Variants in PLPP3 observed in about 807,000 individuals in gnomAD.
PLPP3 encodes phospholipid phosphatase 3.
Under a neutral mutation model 29.6 loss-of-function variants are expected in PLPP3, and 6 were observed. The ratio of observed to expected loss-of-function variants is 0.20; its 90% CI spans 0.11 to 0.40. The LOEUF (loss-of-function observed/expected upper bound fraction) is 0.40, where lower values mean the gene tolerates loss of function less well. Among genes scored for constraint, PLPP3 ranks in the 10% least tolerant of loss-of-function variants. PLPP3 has a pLI of 1.00. For synonymous variants in PLPP3, 152 were observed against 159.7 expected (o/e 0.95, Z 0.36); for missense variants, 308 against 407.7 (o/e 0.76, Z 2.11).
chr1:56,507,604 C>CA (rs1364773954), intron 5 of PLPP3, among the ~76,000 whole-genome samples: 2 of 152,184 alleles, frequency 1.3e-5, no homozygotes, highest in African/African-American at 4.8e-5. Flanking sequence ...GGAAGTGAGA[C>CA]AATACTGTCT....
chr1:56,556,433 A>G (rs1019364771), intron 1 of PLPP3, among the ~76,000 whole-genome samples: 16 of 152,372 alleles, frequency 1.1e-4, no homozygotes, highest in African/African-American at 3.8e-4. Context: ...GATCATATGT[A>G]TATATACCTA....
At chr1:56,557,815 C>T (rs1646095267) in intron 1 of PLPP3, among the ~76,000 whole-genome samples, 1 of 152,158 alleles carries the variant, frequency 6.6e-6, no homozygotes, top group African/African-American at 2.4e-5. Context: ...ATGGAGAAAC[C>T]TTATACTTCC....
chr1:56,562,569 C>G (rs1646138111), intron 1 of PLPP3, among the ~76,000 whole-genome samples: 1 of 152,164 alleles, frequency 6.6e-6, no homozygotes, highest in African/African-American at 2.4e-5. Flanking sequence ...TTTTCTATAC[C>G]TGTGGGATAC....
At chr1:56,513,257 C>G (rs553374790) in intron 4 of PLPP3, 1 of 152,582 alleles carries the variant, frequency 6.6e-6, no homozygotes, top group Non-Finnish European at 1.5e-5. Context: ...TGGGCATTGT[C>G]CCCTCAGAGT....
intron 2 of PLPP3, among the ~76,000 whole-genome samples, chr1:56,536,431 C>T (rs912401172): frequency 1.3e-5 from 2 of 152,108 alleles, no homozygotes; most frequent in African/African-American, 4.8e-5. Flanking sequence ...CTTCCCCCTC[C>T]CCAAATTCAA....
chr1:56,524,702 T>C lies in PLPP3; in HGVS notation c.298-148A>G, dbSNP rs1014596270. ...TATTTATGAAATATACAGACACAAA[T>C]ATGCACAGAAGAAAAGATCAAAGCG... is the stretch of plus-strand genomic sequence containing the variant. On this transcript the variant is annotated intron_variant, in intron 2 of 5. Transcript: ENST00000371250. This position sits in a 1 kb window ranked among gnomAD's most constrained non-coding sequence, Gnocchi z 4.3. 9.9e-7 allele frequency: 1 copy of C among 1,012,882 alleles called. No homozygotes were observed. 62.7% of individuals were successfully genotyped at this position (1,012,882 alleles called of 1,614,324 possible). A position where few individuals can be genotyped will look rare whatever the true frequency, so the allele number is the denominator to read the frequency against.
intron 1 of PLPP3, among the ~76,000 whole-genome samples, chr1:56,568,303 AATGAATTGCATAGTATGTGAAT>A (rs1646174992): frequency 6.6e-6 from 1 of 152,272 alleles, no homozygotes; most frequent in South Asian, 2.1e-4. Flanking sequence ...GCTTTAAAGA[AATGAATTGCATAGTATGTGAAT>A]ATCTCAATAA....
At chr1:56,541,403 CAGTT>C (rs1645968035) in intron 1 of PLPP3, among the ~76,000 whole-genome samples, 2 of 152,280 alleles carry the variant, frequency 1.3e-5, no homozygotes, top group Non-Finnish European at 2.9e-5. Flanking sequence ...ATTTACTAAA[CAGTT>C]AGTAAGTTAG....
chr1:56,503,952 A>AT (rs796909128), intron 5 of PLPP3, among the ~76,000 whole-genome samples: 2 of 151,902 alleles, frequency 1.3e-5, no homozygotes, highest in South Asian at 2.1e-4. Flanking sequence ...CAATTTTTGT[A>AT]TTTTTTTAGT....
At chr1:56,521,669 C>T (rs548363733) in intron 4 of PLPP3, among the ~76,000 whole-genome samples, 2 of 151,766 alleles carry the variant, frequency 1.3e-5, no homozygotes, top group South Asian at 2.1e-4. Flanking sequence ...TCTTAAGTGC[C>T]GAGATTACAG....
intron 1 of PLPP3, among the ~76,000 whole-genome samples, chr1:56,565,090 T>C (rs184355952): frequency 9.6e-4 from 146 of 152,294 alleles, no homozygotes; most frequent in African/African-American, 3.3e-3. Flanking sequence ...TGAGGCCAAA[T>C]TGACCCAAAC....
chr1:56,566,439 A>G (rs1646162586), intron 1 of PLPP3, among the ~76,000 whole-genome samples: 1 of 152,194 alleles, frequency 6.6e-6, no homozygotes, highest in African/African-American at 2.4e-5. Flanking sequence ...AGTAACAAGT[A>G]CTTTATAGGC....
chr1:56,512,267 T>G, intron 4 of PLPP3, 115 bp from the exon 5 acceptor site: 1 of 1,036,236 alleles, frequency 9.7e-7, no homozygotes, highest in Non-Finnish European at 1.3e-6. Flanking sequence ...GGACCTTGGG[T>G]GGCATGTTGT....
At chr1:56,561,619 T>C (rs924035763) in intron 1 of PLPP3, among the ~76,000 whole-genome samples, 3 of 152,206 alleles carry the variant, frequency 2.0e-5, no homozygotes, top group Admixed American at 2.0e-4. Context: ...AAAATATCTT[T>C]ATATACTTTT....
intron 4 of PLPP3, among the ~76,000 whole-genome samples, chr1:56,519,739 T>C (rs1405690540): frequency 6.8e-6 from 1 of 146,452 alleles, no homozygotes; most frequent in Non-Finnish European, 1.5e-5. Context: ...ATATATGCTG[T>C]GGGTTTGTTT....
chr1:56,553,863 G>A (rs373308056), intron 1 of PLPP3, among the ~76,000 whole-genome samples: 7 of 152,082 alleles, frequency 4.6e-5, no homozygotes, highest in Non-Finnish European at 5.9e-5. Context: ...GAATAAAACC[G>A]AGTGTGCGAA....
rs982341573 is a variant in PLPP3 at position 56,524,400 on chromosome 1, A to G, written c.452T>C (p.Ile151Thr). The change falls in exon 3 of 6, where the codon ATA (isoleucine) becomes ACA (threonine). Residue 151 changes from isoleucine (I) to threonine (T), a missense_variant. Coordinates refer to ENST00000371250, the MANE Select transcript of PLPP3 (RefSeq NM_003713.5). The surrounding 1 kb of genome is among the most constrained non-coding windows in gnomAD (Gnocchi z 4.3). ...QSFTDIAKVS[I>T]GRLRPHFLSV... ...CAAGAAGTGAGGACGCAGGCGCCCT[A>G]TGGACACTTTGGCAATGTCTGTGAA... The G allele has an allele frequency of 8.7e-6, 14 of 1,614,004 alleles. No homozygotes were observed. Among genetic ancestry groups the G allele is most frequent in the African/African-American group, 1.3e-5 (1 of 74,930 alleles).
chr1:56,510,192 G>A (rs1485242705), intron 5 of PLPP3, among the ~76,000 whole-genome samples: 1 of 152,134 alleles, frequency 6.6e-6, no homozygotes, highest in Non-Finnish European at 1.5e-5. Context: ...CCTGCTGAGA[G>A]CAAAGCTCAG....
At chr1:56,556,846 A>T (rs978628685) in intron 1 of PLPP3, among the ~76,000 whole-genome samples, 1 of 145,238 alleles carries the variant, frequency 6.9e-6, no homozygotes, top group Non-Finnish European at 1.5e-5. Context: ...AGATTGCTTG[A>T]GGTCAAGAGT....
Sources: gnomAD v4.1 joint callset for allele counts (sites outside exome capture counted in the v4.1 genomes callset) on GRCh38, gnomAD v4.1.1 for gene constraint, Gnocchi (gnomAD v3.1) non-coding constraint, MANE v1.5 for transcripts, NCBI Gene and HGNC (gene_info 2026-07-23, HGNC 2026-07-21) for gene names.